BRD8: variants seen among roughly 807,000 people sequenced by gnomAD.
BRD8 encodes the protein bromodomain containing 8.
Under a neutral mutation model 143.1 loss-of-function variants are expected in BRD8, and 67 were observed. The observed-to-expected ratio is 0.47, with a 90% CI of 0.38 to 0.57. The LOEUF is 0.57. Ranked by LOEUF, BRD8 falls within the 20% of genes least tolerant of loss-of-function variation. The pLI, the probability that BRD8 is intolerant of heterozygous loss-of-function variation, is 0.00. For missense variants in BRD8, 1,103 were observed against 1,503.0 expected, an observed-to-expected ratio of 0.73 and a Z score of 4.40; for synonymous variants, 505 against 517.1, an observed-to-expected ratio of 0.98 and a Z score of 0.32.
At chr5:138,145,368 A>C in intron 24 of BRD8, 123 bp from the exon 25 acceptor site, 1 of 760,808 alleles carries the variant, frequency 1.3e-6, no homozygotes, top group Non-Finnish European at 2.1e-6. Context: ...CCATTAGGAA[A>C]AAATCTATTT....
chr5:138,170,676 C>G lies in BRD8; in HGVS notation c.440+156G>C, dbSNP rs899418294. The G allele has an allele frequency of 9.3e-6, 7 of 753,488 alleles. No individual in the cohort carries two copies. The African/African-American group carries it at 1.2e-4, about 13-fold the overall frequency. 46.7% of individuals were successfully genotyped at this position (753,488 alleles called of 1,614,324 possible). A position where few individuals can be genotyped will look rare whatever the true frequency, so the allele number is the denominator to read the frequency against. On this transcript the variant is annotated intron_variant, in intron 6 of 26. Coordinates refer to ENST00000254900, the MANE Select transcript of BRD8 (RefSeq NM_139199.2). ...ATTATATTACCTTCTAGGACTCACT[C>G]CCCCCTCCCAGCCACCAAACCACTT...
chr5:138,154,506 A>G (rs939829905), intron 20 of BRD8, among the ~76,000 whole-genome samples: 13 of 152,242 alleles, frequency 8.5e-5, no homozygotes, highest in African/African-American at 2.9e-4. Flanking sequence ...CTGCTTTGGG[A>G]CTACAATGTT....
intron 2 of BRD8, chr5:138,177,363 C>G: frequency 3.5e-6 from 1 of 288,918 alleles, no homozygotes; most frequent in South Asian, 3.6e-5. Context: ...AACTCTGTCT[C>G]TACTAAAAAA....
chr5:138,171,001 T>G lies in BRD8; in HGVS notation c.359+37A>C, dbSNP rs765804652. ...CAGTACCAGAAGACAGTCCCTTATG[T>G]CTTTCTCAATTTTTTGGCATTCTCT... On this transcript the variant is annotated intron_variant, in intron 5 of 26. Transcript: ENST00000254900. The G allele has an allele frequency of 5.6e-6, 9 of 1,611,960 alleles. 2 individuals are homozygous for G. The South Asian group carries it at 8.8e-5, about 16-fold the overall frequency.
intron 2 of BRD8, among the ~76,000 whole-genome samples, chr5:138,176,635 A>G (rs1316390662): frequency 6.6e-6 from 1 of 152,116 alleles, no homozygotes; most frequent in Admixed American, 6.5e-5. Context: ...AGGAGGGGAC[A>G]ACATGGACTG....
intron 25 of BRD8, among the ~76,000 whole-genome samples, chr5:138,141,459 T>C (rs1561596128): frequency 1.3e-5 from 2 of 152,108 alleles, no homozygotes; most frequent in Non-Finnish European, 1.5e-5. Context: ...GATGAAGAAA[T>C]TGAAATCTAA....
chr5:138,139,964 C>T lies in BRD8; in HGVS notation c.*110G>A. ...GTTGGTTGTGAGTTAAGGTATTATT[C>T]TTGTTGGAAAAGAAAATGAGGACAT... On this transcript the variant is annotated 3_prime_UTR_variant, in exon 27 of 27. Coordinates refer to ENST00000254900, the MANE Select transcript of BRD8 (RefSeq NM_139199.2). 1.2e-6 allele frequency: 1 copy of T among 835,202 alleles called. No homozygotes were observed. The highest frequency in any genetic ancestry group is 2.5e-5 in the East Asian group (1 of 40,058). 51.7% of individuals were successfully genotyped at this position (835,202 alleles called of 1,614,324 possible). A position where few individuals can be genotyped will look rare whatever the true frequency, so the allele number is the denominator to read the frequency against.
At chr5:138,162,978 GT>G in intron 15 of BRD8, 151 bp downstream of exon 15, 1 of 698,970 alleles carries the variant, frequency 1.4e-6, no homozygotes, top group South Asian at 1.9e-5. Context: ...TCCAGCATGG[GT>G]GAGTGAGAAC....
At chr5:138,140,260 T>G (rs576422409) in intron 26 of BRD8, 94 bp from the exon 27 acceptor site, 3 of 914,724 alleles carry the variant, frequency 3.3e-6, no homozygotes, top group South Asian at 1.5e-5. Context: ...TCAACTATAC[T>G]TTTTTCTTTA....
chr5:138,153,668 CTTTTCT>C (rs1330104229), intron 20 of BRD8, among the ~76,000 whole-genome samples: 2 of 113,932 alleles, frequency 1.8e-5, no homozygotes, highest in East Asian at 4.9e-4. Flanking sequence ...ATTTTCTTTT[CTTTTCT>C]TTTTTTTTTT....
intron 2 of BRD8, among the ~76,000 whole-genome samples, chr5:138,176,147 C>T (rs900698901): frequency 1.3e-5 from 2 of 151,632 alleles, no homozygotes; most frequent in African/African-American, 2.4e-5. Context: ...GATTATTATT[C>T]AGCTAAAAAA....
At position 138,152,509 on chromosome 5, in the gene BRD8, G is replaced by T; in HGVS notation, c.2829C>A (p.His943Gln). Residue 943 changes from histidine to glutamine, a missense_variant, in exon 21 of 27, where the codon CAC (histidine) becomes CAA (glutamine). By Grantham distance (24) the His-to-Gln change is conservative. Transcript: ENST00000254900. ...ESQEAARKAS[H>Q]QNLLHFLSEV... ...CAGAGAGAAAGTGGAGGAGGTTCTG[G>T]TGGCTGGCTTTCCTTGCCGCTTCCT... 6.2e-7 allele frequency: 1 copy of T among 1,614,180 alleles called. No homozygotes were observed. The highest frequency in any genetic ancestry group is 2.2e-5 in the East Asian group (1 of 44,888).
intron 2 of BRD8, among the ~76,000 whole-genome samples, chr5:138,175,800 G>C (rs1754275250): frequency 6.7e-6 from 1 of 149,626 alleles, no homozygotes; most frequent in Non-Finnish European, 1.5e-5. Context: ...TGTAGTCCCG[G>C]CTACTCAGGA....
At chr5:138,140,952 C>A in intron 25 of BRD8, 70 bp from the exon 26 acceptor site, 1 of 1,525,030 alleles carries the variant, frequency 6.6e-7, no homozygotes, top group South Asian at 1.2e-5. Context: ...CTAACACGTT[C>A]TCTTGAAGAA....
intron 26 of BRD8, among the ~76,000 whole-genome samples, 155 bp from the exon 27 acceptor site, chr5:138,140,321 T>C (rs577007888): frequency 6.6e-6 from 1 of 152,364 alleles, no homozygotes; most frequent in Non-Finnish European, 1.5e-5. Flanking sequence ...CTAGCTACTA[T>C]ATCTTATCCC....
chr5:138,172,086 A>G lies in BRD8; in HGVS notation c.165T>C (p.Pro55=), dbSNP rs1381578708. ...TTACTTTTTGAGAGAACCAGTCTGGAGGGCGGCCAGGTTCTGCAAAGGGCT... is the reference window on the plus strand; with the variant it reads ...TTACTTTTTGAGAGAACCAGTCTGGGGGGCGGCCAGGTTCTGCAAAGGGCT... The part of the protein sequence containing the change: ...AIKPFAEPGR[P]PDWFSQKHCA... Residue 55 remains proline (P), a synonymous_variant, in exon 3 of 27, where the codon CCT becomes CCC. Coordinates refer to ENST00000254900, the MANE Select transcript of BRD8 (RefSeq NM_139199.2). The G allele has an allele frequency of 6.2e-7, 1 of 1,613,628 alleles. No individual in the cohort carries two copies. Among genetic ancestry groups the G allele is most frequent in the Non-Finnish European group, 8.5e-7 (1 of 1,179,866 alleles).
chr5:138,169,438 A>G (rs1753698842), intron 7 of BRD8, 80 bp from the exon 8 acceptor site: 1 of 1,496,098 alleles, frequency 6.7e-7, no homozygotes, highest in Non-Finnish European at 9.1e-7. Flanking sequence ...ATTATACAAT[A>G]AAGGACAAAT....
At chr5:138,154,765 G>A (rs567266602) in intron 20 of BRD8, among the ~76,000 whole-genome samples, 1 of 151,298 alleles carries the variant, frequency 6.6e-6, no homozygotes, top group African/African-American at 2.4e-5. Context: ...TAAATATTTA[G>A]TTATAAAGTG....
intron 24 of BRD8, 41 bp downstream of exon 24, chr5:138,145,748 T>A (rs1481257828): frequency 3.3e-6 from 5 of 1,529,716 alleles, no homozygotes; most frequent in Non-Finnish European, 4.5e-6. Context: ...TATTACTGCT[T>A]CAGCTCTGAA....
Sources: gnomAD v4.1 joint callset for allele counts (sites outside exome capture counted in the v4.1 genomes callset) on GRCh38, gnomAD v4.1.1 for gene constraint, MANE v1.5 for transcripts, NCBI Gene and HGNC (gene_info 2026-07-23, HGNC 2026-07-21) for gene names.